Variants in CELF2 observed in about 807,000 individuals in gnomAD.
CELF2 encodes the protein CUGBP Elav-like family member 2, also known as CUG triplet repeat RNA-binding protein 2.
CELF2 carries 8 observed loss-of-function variants against 62.6 expected under a neutral mutation model. The ratio of observed to expected loss-of-function variants is 0.13; its 90% CI spans 0.07 to 0.23. The LOEUF is 0.23. Among genes scored for constraint, CELF2 ranks in the 10% least tolerant of loss-of-function variants. CELF2 has a pLI of 1.00. For synonymous variants in CELF2, 258 were observed against 250.0 expected (o/e 1.03, Z -0.30); for missense variants, 333 against 671.0 (o/e 0.50, Z 5.56).
Position 11,165,506 on chromosome 10 carries a change from T to A in CELF2, c.95T>A (p.Met32Lys). Residue 32 changes from methionine (M) to lysine (K), a missense_variant, in exon 2 of 13, where the codon ATG becomes AAG. Around this residue, in one of 3 missense-constraint regions of CELF2, gnomAD observed 253 missense variants for 503.0 expected, o/e 0.50. Coordinates refer to ENST00000633077, the MANE Select transcript of CELF2 (RefSeq NM_001326342.2). This position sits in a 1 kb window ranked among gnomAD's most constrained non-coding sequence, Gnocchi z 7.4. Reference protein sequence around the residue: ...PDRINGTANKMNGALDHSDQP... With the variant: ...PDRINGTANKKNGALDHSDQP... ...GACAGTAACGGCACAGCCAACAAGATGAACGGAGCTTTGGATCACTCAGAC... is the reference window on the plus strand; with the variant it reads ...GACAGTAACGGCACAGCCAACAAGAAGAACGGAGCTTTGGATCACTCAGAC... 1 of 1,613,584 alleles carries A rather than the reference T, an allele frequency of 6.2e-7. No homozygotes were observed. Among genetic ancestry groups the A allele is most frequent in the Non-Finnish European group, 8.5e-7 (1 of 1,179,826 alleles).
At chr10:10,611,258 A>C in the CELF2 span, among the ~76,000 whole-genome samples, 3 of 152,160 alleles carry the variant, frequency 2.0e-5, no homozygotes, top group Non-Finnish European at 2.9e-5. Context: ...TCTAAGAGCC[A>C]ACCTATCATG....
rs2090484114 is a variant in CELF2, at chr10:11,284,541, A to G, written c.842-3877A>G. Among the ~76,000 whole-genome samples the G allele has an allele frequency of 1.5e-4, 19 of 124,398 alleles. No homozygotes were observed. In the South Asian group the frequency reaches 5.0e-3, roughly 33 times the overall value. The allele number at this position is 124,398 out of a possible 152,430, so 81.6% of individuals were successfully genotyped here. ...GTGTGTGGTGGGTGGATGAGGGATG[A>G]GTGGGAGCATGATGGACGGAGGGGT... On this transcript the variant is annotated intron_variant, in intron 8 of 12. Coordinates refer to ENST00000633077, the MANE Select transcript of CELF2 (RefSeq NM_001326342.2).
intron 1 of CELF2, among the ~76,000 whole-genome samples, chr10:11,074,630 G>A (rs1441781591): frequency 2.6e-5 from 4 of 152,150 alleles, no homozygotes; most frequent in African/African-American, 9.7e-5. Context: ...GTCTGCGACG[G>A]GGGACTGGTA....
Position 11,321,017 on chromosome 10 carries a change from T to G in CELF2, c.1097-172T>G. 7.5e-7 allele frequency: 1 copy of G among 1,335,066 alleles called. No homozygotes were observed. The allele number at this position is 1,335,066 out of a possible 1,614,324, so 82.7% of individuals were successfully genotyped here. On this transcript the variant is annotated intron_variant, in intron 10 of 12. Coordinates refer to ENST00000633077, the MANE Select transcript of CELF2 (RefSeq NM_001326342.2). This position sits in a 1 kb window ranked among gnomAD's most constrained non-coding sequence, Gnocchi z 6.2. ...TCATGGCTTAGGTCATTTTCCCCCA[T>G]TATCACGATTTATTTCTTCATGGTT...
At chr10:10,675,287 C>G in the CELF2 span, among the ~76,000 whole-genome samples, 2 of 152,168 alleles carry the variant, frequency 1.3e-5, no homozygotes, top group Admixed American at 6.5e-5. Flanking sequence ...TTCTTTCTCT[C>G]AACACCTTAA....
chr10:11,162,987 C>T (rs2066067779), intron 1 of CELF2, among the ~76,000 whole-genome samples: 1 of 152,174 alleles, frequency 6.6e-6, no homozygotes, highest in African/African-American at 2.4e-5. Flanking sequence ...TGAGAGGTCT[C>T]CAGGCAGCGG....
intron 1 of CELF2, among the ~76,000 whole-genome samples, chr10:10,820,627 G>A (rs542986868): frequency 1.3e-5 from 2 of 152,278 alleles, no homozygotes; most frequent in African/African-American, 4.8e-5. Context: ...GAGAGGTACA[G>A]AGTGTTGTGA....
At chr10:11,120,527 T>C (rs889904168) in intron 1 of CELF2, among the ~76,000 whole-genome samples, 2 of 152,192 alleles carry the variant, frequency 1.3e-5, no homozygotes, top group Admixed American at 6.5e-5. Flanking sequence ...ATCTATGCAG[T>C]TGAAATTTCT....
intron 1 of CELF2, among the ~76,000 whole-genome samples, chr10:11,160,673 G>A (rs879597757): frequency 6.6e-6 from 1 of 150,486 alleles, no homozygotes; most frequent in Non-Finnish European, 1.5e-5. Flanking sequence ...AAGAGTATTG[G>A]AGTAATAAGA....
rs17853611 is a variant in CELF2 at position 11,257,844 on chromosome 10, C to T, written c.510C>T (p.Ile170=). ...TTGGCCAGATAGAAGAATGCCGGAT[C>T]CTCCGGGGACCTGATGGGCTGAGTC... The part of the protein sequence containing the change: ...SPFGQIEECR[I]LRGPDGLSRG... The change falls in exon 5 of 13, where the codon ATC becomes ATT. Residue 170 remains isoleucine (I), a synonymous_variant. Coordinates refer to ENST00000633077, the MANE Select transcript of CELF2 (RefSeq NM_001326342.2). 1.9e-6 allele frequency: 3 copies of T among 1,614,074 alleles called. No individual in the cohort carries two copies. In the East Asian group the frequency reaches 6.7e-5, roughly 36 times the overall value.
At chr10:11,141,239 G>A (rs1243870903) in intron 1 of CELF2, among the ~76,000 whole-genome samples, 2 of 152,148 alleles carry the variant, frequency 1.3e-5, no homozygotes, top group African/African-American at 4.8e-5. Flanking sequence ...GGATGGAGCA[G>A]AATAGTTCCC....
chr10:10,773,820 T>A, the CELF2 span, among the ~76,000 whole-genome samples: 1 of 152,224 alleles, frequency 6.6e-6, no homozygotes, highest in Non-Finnish European at 1.5e-5. Context: ...CTTCTTCACA[T>A]GGCCCAGACC....
chr10:10,647,403 G>A, the CELF2 span, among the ~76,000 whole-genome samples: 1 of 152,108 alleles, frequency 6.6e-6, no homozygotes, highest in African/African-American at 2.4e-5. Flanking sequence ...AACTCTCCCA[G>A]GTCTTTCTGA....
At chr10:10,506,670 A>T in the CELF2 span, among the ~76,000 whole-genome samples, 6 of 64,556 alleles carry the variant, frequency 9.3e-5, no homozygotes, top group African/African-American at 1.2e-4. Context: ...CCTCCTGTGA[A>T]TTTTTTTTTT....
intron 1 of CELF2, among the ~76,000 whole-genome samples, chr10:11,062,290 A>AGAG (rs2066969212): frequency 6.6e-6 from 1 of 152,254 alleles, no homozygotes. Flanking sequence ...CAGCCCATGG[A>AGAG]GAGGAAGTAA....
intron 2 of CELF2, among the ~76,000 whole-genome samples, chr10:11,202,855 C>CTT (rs1466888488): frequency 6.7e-6 from 1 of 149,182 alleles, no homozygotes. Flanking sequence ...ATTTTAGCTC[C>CTT]TTGCAGAGTG....
chr10:10,841,071 T>C (rs1322050758), intron 1 of CELF2, among the ~76,000 whole-genome samples: 1 of 152,224 alleles, frequency 6.6e-6, no homozygotes, highest in Non-Finnish European at 1.5e-5. Flanking sequence ...GTGCCACATT[T>C]TCTTTATCCA....
At chr10:11,070,436 G>A (rs780985874) in intron 1 of CELF2, among the ~76,000 whole-genome samples, 19 of 152,180 alleles carry the variant, frequency 1.2e-4, no homozygotes, top group Middle Eastern at 3.2e-3. Context: ...AGCAGAGGAC[G>A]GGCATTGTCA....
intron 2 of CELF2, among the ~76,000 whole-genome samples, chr10:10,968,045 C>T (rs2050328961): frequency 6.6e-6 from 1 of 152,108 alleles, no homozygotes; most frequent in African/African-American, 2.4e-5. Context: ...CCCAGCCCCT[C>T]TGGGTTGGTT....
Sources: gnomAD v4.1 joint callset for allele counts (sites outside exome capture counted in the v4.1 genomes callset) on GRCh38, gnomAD v4.1.1 for gene constraint, gnomAD v4.1.1 regional missense constraint, Gnocchi (gnomAD v3.1) non-coding constraint, MANE v1.5 for transcripts, NCBI Gene and HGNC (gene_info 2026-07-23, HGNC 2026-07-21) for gene names.